The following CDH12 variants were observed in gnomAD, a reference collection of about 807,000 sequenced individuals.
CDH12 encodes the protein cadherin-12.
CDH12 carries 41 observed loss-of-function variants against 74.1 expected under a neutral mutation model. The observed-to-expected ratio is 0.55, with a 90% confidence interval of 0.43 to 0.72. The LOEUF (loss-of-function observed/expected upper bound fraction) is 0.72. Ranked by LOEUF, CDH12 falls within the 30% of genes least tolerant of loss-of-function variation. The pLI is 0.00. For missense variants in CDH12, 945 were observed against 977.2 expected, an observed-to-expected ratio of 0.97 and a Z score of 0.44; for synonymous variants, 399 against 355.0, an observed-to-expected ratio of 1.12 and a Z score of -1.39.
intron 1 of CDH12, among the ~76,000 whole-genome samples, chr5:22,516,939 A>T (rs1299190034): frequency 6.6e-6 from 1 of 152,178 alleles, no homozygotes; most frequent in African/African-American, 2.4e-5. Context: ...ATACCAGATG[A>T]AAGAAGTTTA....
chr5:22,267,749 G>A (rs1015102625), intron 3 of CDH12, among the ~76,000 whole-genome samples: 6 of 152,026 alleles, frequency 3.9e-5, no homozygotes, highest in African/African-American at 1.4e-4. Flanking sequence ...TTTGAAAGAA[G>A]GTAGTAAGAA....
chr5:22,595,463 A>C (rs2126805008), intron 1 of CDH12, among the ~76,000 whole-genome samples: 1 of 152,338 alleles, frequency 6.6e-6, no homozygotes, highest in South Asian at 2.1e-4. Flanking sequence ...TCATTATAGT[A>C]ATGTTTACAT....
intron 1 of CDH12, among the ~76,000 whole-genome samples, chr5:22,633,270 G>A (rs1347652588): frequency 1.3e-5 from 2 of 152,124 alleles, no homozygotes; most frequent in East Asian, 3.9e-4. Flanking sequence ...AGAATCAGGT[G>A]AAGGCAAAGG....
intron 6 of CDH12, among the ~76,000 whole-genome samples, chr5:21,948,470 C>A (rs564516995): frequency 3.0e-4 from 45 of 152,302 alleles, no homozygotes; most frequent in South Asian, 6.2e-4. Context: ...TGACTAATTT[C>A]TCCAATTTGG....
At chr5:22,240,221 C>T (rs926452792) in intron 3 of CDH12, among the ~76,000 whole-genome samples, 1 of 152,124 alleles carries the variant, frequency 6.6e-6, no homozygotes, top group Non-Finnish European at 1.5e-5. Context: ...ATTTGTAAAA[C>T]TGAGATATTG....
intron 1 of CDH12, among the ~76,000 whole-genome samples, chr5:22,769,318 A>G (rs1746687987): frequency 6.6e-6 from 1 of 151,996 alleles, no homozygotes; most frequent in Non-Finnish European, 1.5e-5. Context: ...TGGCTTGCTG[A>G]GTCTTGTGGT....
At chr5:22,301,285 C>G (rs1241310584) in intron 3 of CDH12, among the ~76,000 whole-genome samples, 1 of 152,148 alleles carries the variant, frequency 6.6e-6, no homozygotes, top group East Asian at 1.9e-4. Flanking sequence ...TTTATTCATT[C>G]ATTCACCAAA....
intron 3 of CDH12, among the ~76,000 whole-genome samples, chr5:22,280,007 T>G (rs1017753301): frequency 1.2e-4 from 18 of 152,154 alleles, no homozygotes; most frequent in Admixed American, 1.0e-3. Flanking sequence ...TGTAAAAGTG[T>G]TCCTATTTCT....
At chr5:21,802,593 CTTTTT>C (rs35742047) in intron 9 of CDH12, among the ~76,000 whole-genome samples, 173 bp from the exon 10 acceptor site, 1 of 120,192 alleles carries the variant, frequency 8.3e-6, no homozygotes, top group Non-Finnish European at 1.6e-5. Context: ...ATTTTTTTTT[CTTTTT>C]TTTTTTTTTT....
intron 4 of CDH12, among the ~76,000 whole-genome samples, chr5:22,134,606 A>G (rs1001475224): frequency 2.1e-5 from 3 of 146,032 alleles, no homozygotes; most frequent in African/African-American, 2.6e-5. Context: ...GGGACAGGAT[A>G]CAAGAAAGTG....
chr5:22,512,243 G>T (rs1358686128), intron 1 of CDH12, among the ~76,000 whole-genome samples: 1 of 152,138 alleles, frequency 6.6e-6, no homozygotes, highest in Non-Finnish European at 1.5e-5. Flanking sequence ...AAAGTGATAA[G>T]AGTAGAGATT....
intron 4 of CDH12, among the ~76,000 whole-genome samples, chr5:22,127,058 G>C (rs1169041236): frequency 6.6e-6 from 1 of 152,138 alleles, no homozygotes; most frequent in Non-Finnish European, 1.5e-5. Flanking sequence ...GTGTGGGGTG[G>C]ATTGTGGGGG....
At chr5:22,744,750 G>A (rs534953652) in intron 1 of CDH12, among the ~76,000 whole-genome samples, 1 of 151,784 alleles carries the variant, frequency 6.6e-6, no homozygotes, top group South Asian at 2.1e-4. Context: ...AAATAATCTG[G>A]TAATCAATTA....
chr5:22,227,869 A>G (rs1196268611), intron 3 of CDH12, among the ~76,000 whole-genome samples: 1 of 152,074 alleles, frequency 6.6e-6, no homozygotes, highest in African/African-American at 2.4e-5. Context: ...GCACACTTGG[A>G]AATGTTTTCG....
chr5:22,418,972 A>G (rs984937927), intron 2 of CDH12, among the ~76,000 whole-genome samples: 1 of 152,154 alleles, frequency 6.6e-6, no homozygotes, highest in Admixed American at 6.6e-5. Context: ...AGTTTTTAGC[A>G]TGAAGGGGTG....
chr5:22,495,469 A>T (rs1747067959), intron 2 of CDH12, among the ~76,000 whole-genome samples: 1 of 152,178 alleles, frequency 6.6e-6, no homozygotes, highest in Non-Finnish European at 1.5e-5. Flanking sequence ...GATTTATTGT[A>T]TCCAAGGACC....
chr5:21,880,572 TTTCC>T lies in CDH12; in HGVS notation c.527-25786_527-25783del, dbSNP rs70957076. On this transcript the variant is annotated intron_variant, in intron 6 of 14. Transcript: ENST00000382254. Reference sequence around the variant, plus strand: ...CTTCCTTCCTTCCTTCCCTTCTTTCTTTCCTTCCTTCCTTCCTTCCTTCCTTCCT... The same window carrying T: ...CTTCCTTCCTTCCTTCCCTTCTTTCTTTCCTTCCTTCCTTCCTTCCTTCCT... Among the ~76,000 whole-genome samples the T allele has an allele frequency of 3.6e-3, 47 of 12,924 alleles. 2 individuals are homozygous for T. Among genetic ancestry groups the T allele is most frequent in the Middle Eastern group, 0.05 (1 of 20 alleles). The allele number at this position is 12,924 out of a possible 152,430, so 8.5% of individuals were successfully genotyped here.
chr5:22,697,496 C>T (rs781522537), intron 1 of CDH12, among the ~76,000 whole-genome samples: 2 of 143,406 alleles, frequency 1.4e-5, no homozygotes, highest in Non-Finnish European at 3.0e-5. Context: ...GGCGTGAACC[C>T]GGGAGGCGGA....
intron 3 of CDH12, among the ~76,000 whole-genome samples, chr5:22,380,935 T>C (rs923293255): frequency 6.6e-6 from 1 of 152,098 alleles, no homozygotes. Flanking sequence ...GCACAATAAA[T>C]ATATGTATAC....
Sources: allele counts gnomAD v4.1 joint callset (sites outside exome capture counted in the v4.1 genomes callset), GRCh38; gene constraint gnomAD v4.1.1; transcripts MANE v1.5; gene names NCBI Gene and HGNC (gene_info 2026-07-23, HGNC 2026-07-21).